TEX11: variants seen among roughly 807,000 people sequenced by gnomAD.
TEX11 encodes testis-expressed protein 11.
In TEX11, 7 loss-of-function variants were observed where a neutral mutation model predicts 84.4. The ratio of observed to expected loss-of-function variants is 0.08; its 90% confidence interval spans 0.05 to 0.16. The LOEUF (loss-of-function observed/expected upper bound fraction) is 0.16, where lower values mean the gene tolerates loss of function less well. Among genes scored for constraint, TEX11 ranks in the 10% least tolerant of loss-of-function variants. The pLI is 1.00. For synonymous variants in TEX11, 264 were observed against 222.8 expected (o/e 1.18, Z -1.64); for missense variants, 551 against 660.5 (o/e 0.83, Z 1.82).
At chrX:70,660,853 T>A (rs1417405324) in intron 16 of TEX11, among the ~76,000 whole-genome samples, 1 of 112,171 alleles carries the variant, frequency 8.9e-6, no homozygotes, top group Non-Finnish European at 1.9e-5. Context: ...CTGGCCAACT[T>A]GGTGAAATCC....
chrX:70,651,189 C>T (rs1264373326), intron 17 of TEX11, among the ~76,000 whole-genome samples: 1 of 111,992 alleles, frequency 8.9e-6, no homozygotes, highest in Non-Finnish European at 1.9e-5. Context: ...TAAAAAAGTA[C>T]ATAGTGATAA....
At chrX:70,612,268 T>C (rs1046457538) in intron 20 of TEX11, among the ~76,000 whole-genome samples, 8 of 111,055 alleles carry the variant, frequency 7.2e-5, no homozygotes, top group Non-Finnish European at 1.5e-4. Flanking sequence ...TAAGAAAAAA[T>C]TAGAAGGCAT....
intron 9 of TEX11, among the ~76,000 whole-genome samples, chrX:70,788,957 TATATATATATATATATAGAGAGAG>T (rs1256498618): frequency 4.6e-5 from 2 of 43,080 alleles, no homozygotes; most frequent in African/African-American, 2.0e-4. Context: ...TATATATATA[TATATATATATATATATAGAGAGAG>T]AGAGAGAGAG....
intron 28 of TEX11, among the ~76,000 whole-genome samples, chrX:70,541,624 G>A (rs955665746): frequency 1.8e-5 from 2 of 111,326 alleles, no homozygotes; most frequent in Admixed American, 9.6e-5. Flanking sequence ...CAGGCATGGT[G>A]GCATTTGCCT....
At chrX:70,868,492 G>A (rs772417649) in intron 4 of TEX11, among the ~76,000 whole-genome samples, 1 of 111,513 alleles carries the variant, frequency 9.0e-6, no homozygotes, top group Non-Finnish European at 1.9e-5. Flanking sequence ...TCTAGAACCA[G>A]AAATACCATT....
chrX:70,746,438 G>A lies in TEX11; in HGVS notation c.693-2219C>T, dbSNP rs190225321. 3.1e-3 allele frequency among the ~76,000 whole-genome samples: 348 copies of A among 111,376 alleles called. 1 individual carries two copies. The highest frequency in any genetic ancestry group is 0.011 in the African/African-American group (332 of 30,724). Reference sequence around the variant, plus strand: ...TACTCCAGCTGGCTCATCAGGCAGAGGTTTCATGTCAAAAGGGCACACTAA... The same window carrying A: ...TACTCCAGCTGGCTCATCAGGCAGAAGTTTCATGTCAAAAGGGCACACTAA... On this transcript the variant is annotated intron_variant, in intron 9 of 29. Transcript: ENST00000374333.
At chrX:70,661,072 G>A (rs1359275118) in intron 16 of TEX11, among the ~76,000 whole-genome samples, 4 of 112,323 alleles carry the variant, frequency 3.6e-5, no homozygotes, top group East Asian at 2.8e-4. Flanking sequence ...GAAGCAGGGC[G>A]AGGCATTGCC....
intron 8 of TEX11, among the ~76,000 whole-genome samples, chrX:70,811,425 C>T (rs1255146993): frequency 8.9e-6 from 1 of 111,837 alleles, no homozygotes; most frequent in African/African-American, 3.3e-5. Context: ...CAGACTATCA[C>T]TGATGGACAT....
chrX:70,803,162 T>C (rs1312746073), intron 9 of TEX11, among the ~76,000 whole-genome samples: 1 of 112,197 alleles, frequency 8.9e-6, no homozygotes, highest in Non-Finnish European at 1.9e-5. Context: ...AAAAAAACTC[T>C]TAAATATATT....
chrX:70,534,291 T>C (rs1413119749), intron 28 of TEX11, among the ~76,000 whole-genome samples: 1 of 109,139 alleles, frequency 9.2e-6, no homozygotes. Flanking sequence ...TGAGAGATAT[T>C]TGGGAGGTCA....
intron 24 of TEX11, among the ~76,000 whole-genome samples, chrX:70,602,171 C>T (rs1358858172): frequency 8.9e-6 from 1 of 111,907 alleles, no homozygotes; most frequent in Non-Finnish European, 1.9e-5. Context: ...GGGGGCTGAC[C>T]CCCCCACCTC....
At position 70,554,768 on chromosome X, in the gene TEX11, G is replaced by A. The variant is rs771769122; in HGVS notation, c.2173C>T (p.Leu725Phe). 2 of 1,207,034 alleles carry A rather than the reference G, an allele frequency of 1.7e-6. No homozygotes were observed. The highest frequency in any genetic ancestry group is 1.7e-5 in the African/African-American group (1 of 57,616). The change falls in exon 26 of 30, where the codon CTT (leucine) becomes TTT (phenylalanine). Residue 725 changes from leucine to phenylalanine, a missense_variant. Transcript: ENST00000374333. ...TFSNDSCEKL[L>F]LLYEFEVRAK... ...CTAACTTCAAACTCGTACAGCAGAA[G>A]CAATTTCTCACATGAATCATTTGAG... is the stretch of plus-strand genomic sequence containing the variant.
At position 70,627,880 on chromosome X, in the gene TEX11, T is replaced by G. The variant is rs2089466366; in HGVS notation, c.1608+1731A>C. The stretch of plus-strand genomic sequence containing the variant: ...AGAATAAAATGTATATATAATCTTG[T>G]CACAGCTATTTCTTCTACTTTATCT... On this transcript the variant is annotated intron_variant, in intron 18 of 29. Coordinates refer to ENST00000374333, the MANE Select transcript of TEX11 (RefSeq NM_031276.3). Among the ~76,000 whole-genome samples the G allele has an allele frequency of 2.7e-5, 3 of 111,650 alleles. No homozygotes were observed. In the Admixed American group the frequency reaches 2.9e-4, roughly 11 times the overall value.
intron 13 of TEX11, among the ~76,000 whole-genome samples, chrX:70,692,666 T>G (rs1056316334): frequency 1.8e-5 from 2 of 109,703 alleles, no homozygotes; most frequent in Non-Finnish European, 3.8e-5. Context: ...TTTGCGTGTG[T>G]GTATATATAT....
chrX:70,649,804 T>C (rs1303274748), intron 17 of TEX11, among the ~76,000 whole-genome samples: 1 of 111,326 alleles, frequency 9.0e-6, no homozygotes, highest in Non-Finnish European at 1.9e-5. Flanking sequence ...ACAGAAAATA[T>C]GTAAAGAGAT....
intron 24 of TEX11, among the ~76,000 whole-genome samples, chrX:70,599,079 T>C (rs1292326586): frequency 1.8e-5 from 2 of 111,629 alleles, no homozygotes; most frequent in African/African-American, 6.5e-5. Context: ...TCTGTTAAAA[T>C]ATAATCAAGG....
At chrX:70,694,220 T>C (rs770608469) in intron 13 of TEX11, among the ~76,000 whole-genome samples, 8 of 110,919 alleles carry the variant, frequency 7.2e-5, no homozygotes, top group Non-Finnish European at 1.1e-4. Context: ...AATTTTTGTA[T>C]TTTTAGTACA....
chrX:70,818,063 C>T (rs1049354396), intron 8 of TEX11, among the ~76,000 whole-genome samples: 2 of 111,038 alleles, frequency 1.8e-5, no homozygotes, highest in Admixed American at 1.9e-4. Flanking sequence ...CCGAGGTGGG[C>T]GGATCACTTA....
At chrX:70,520,974 T>C in the TEX11 span, among the ~76,000 whole-genome samples, 4 of 111,897 alleles carry the variant, frequency 3.6e-5, no homozygotes, top group African/African-American at 1.3e-4. Flanking sequence ...TGGTGTGCCG[T>C]TTGCTAAGAC....
Sources: gnomAD v4.1 joint callset for allele counts (sites outside exome capture counted in the v4.1 genomes callset) on GRCh38, gnomAD v4.1.1 for gene constraint, MANE v1.5 for transcripts, NCBI Gene and HGNC (gene_info 2026-07-23, HGNC 2026-07-21) for gene names.